SPATA31C2: variants seen among roughly 807,000 people sequenced by gnomAD.
SPATA31C2 encodes SPATA31 subfamily C member 2.
A neutral mutation model predicts 11.4 loss-of-function variants in SPATA31C2; 5 were observed. The ratio of observed to expected loss-of-function variants is 0.44; its 90% CI spans 0.23 to 0.92. The LOEUF is 0.92. Ranked by LOEUF, SPATA31C2 falls within the 40% of genes least tolerant of loss-of-function variation. The pLI is 0.24. For synonymous variants in SPATA31C2, 515 were observed against 538.7 expected (o/e 0.96, Z 0.61); for missense variants, 1,353 against 1,368.6 (o/e 0.99, Z 0.18).
At chr9:88,133,080 A>AGGCTGAG in intron 2 of SPATA31C2, 54 bp from the exon 3 acceptor site, 1 of 1,227,232 alleles carries the variant, frequency 8.1e-7, no homozygotes, top group Non-Finnish European at 1.1e-6. Flanking sequence ...ATCTCACAGG[A>AGGCTGAG]GGCTGAGTGT....
In SPATA31C2 at chr9:88,129,839, G is replaced by A. The variant is rs747748912; in HGVS notation, c.3198C>T (p.Asn1066=). The change falls in exon 4 of 4, where the codon AAC becomes AAT. Residue 1066 remains asparagine (N), a synonymous_variant. Transcript: ENST00000324915. ...CATGGCGCGCATGGCAAAGTGACAT[G>A]TTCTCCTCCAGTATCTGTCCAACTG... ...MTAVGQILEE[N]MSLCHARHAS... is the part of the protein sequence containing the mutation. The A allele has an allele frequency of 4.4e-6, 7 of 1,604,804 alleles. No individual in the cohort carries two copies. Among genetic ancestry groups the A allele is most frequent in the Non-Finnish European group, 6.0e-6 (7 of 1,174,016 alleles).
intron 1 of SPATA31C2, among the ~76,000 whole-genome samples, chr9:88,135,302 A>T (rs1247309000): frequency 1.8e-5 from 2 of 111,424 alleles, no homozygotes; most frequent in Admixed American, 1.8e-4. Flanking sequence ...AGCCTTTGAA[A>T]ATCTGTAGTT....
chr9:88,134,508 G>A (rs1388816022), intron 1 of SPATA31C2, among the ~76,000 whole-genome samples: 9 of 149,600 alleles, frequency 6.0e-5, no homozygotes, highest in Non-Finnish European at 1.2e-4. Context: ...GGTCCTGGCC[G>A]CTGAGCCCAC....
At position 88,130,681 on chromosome 9, in the gene SPATA31C2, T is replaced by A; in HGVS notation, c.2356A>T (p.Ser786Cys). ...GCCCTTGAAGATTGGGCTCCTAAGCTCCTGCTCTGCTGGGTGCTGCCTGTG... is the reference window on the plus strand; with the variant it reads ...GCCCTTGAAGATTGGGCTCCTAAGCACCTGCTCTGCTGGGTGCTGCCTGTG... ...SLTGSTQQSRSLGAQSSRAGE... is the reference protein window; with the variant it reads ...SLTGSTQQSRCLGAQSSRAGE... Residue 786 changes from serine to cysteine, a missense_variant, in exon 4 of 4, where the codon AGC becomes TGC. By Grantham distance (112) the Ser-to-Cys change is moderately radical. Around this residue, in one of 6 missense-constraint regions of SPATA31C2, gnomAD observed 1,075 missense variants for 992.8 expected, o/e 1.08. Transcript: ENST00000324915. The A allele has an allele frequency of 6.2e-7, 1 of 1,613,844 alleles. No individual in the cohort carries two copies. Among genetic ancestry groups the A allele is most frequent in the Non-Finnish European group, 8.5e-7 (1 of 1,179,844 alleles).
At position 88,132,330 on chromosome 9, in the gene SPATA31C2, C is replaced by T. The variant is rs538555577; in HGVS notation, c.707G>A (p.Arg236Gln). ...AGATGGTGTTAACAGAGTGGAGTCC[C>T]GCAGGGGAGGAGGAGTGAAGCCTTT... ...PPKGFTPPPL[R>Q]DSTLLTPSHC... Residue 236 changes from arginine (R) to glutamine (Q), a missense_variant, in exon 4 of 4, where the codon CGG becomes CAG. Arg to Gln is a conservative substitution (Grantham distance 43). Coordinates refer to ENST00000324915, the MANE Select transcript of SPATA31C2 (RefSeq NM_001350978.3). 1,288 of 1,610,864 alleles carry T rather than the reference C, an allele frequency of 8.0e-4. 16 individuals are homozygous for T. The South Asian group carries it at 0.012, about 15-fold the overall frequency.
Position 88,130,243 on chromosome 9 carries a change from T to A in SPATA31C2, c.2794A>T (p.Lys932Ter). 1.2e-6 allele frequency: 2 copies of A among 1,609,344 alleles called. No homozygotes were observed. Among genetic ancestry groups the A allele is most frequent in the South Asian group, 2.2e-5 (2 of 90,918 alleles). The change falls in exon 4 of 4, where the codon AAG becomes TAG. Residue 932 changes from lysine (K) to a stop codon, truncating the protein, a stop_gained. Coordinates refer to ENST00000324915, the MANE Select transcript of SPATA31C2 (RefSeq NM_001350978.3). LOFTEE classifies it low-confidence loss of function (END_TRUNC). ...MSARRSNMGH[K>*]EPRNPNCQGS... ...TGACAGTTTGGGTTCCTGGGCTCCT[T>A]GTGCCCCATGTTACTCCTTCTGGCT...
Position 88,130,870 on chromosome 9 carries a change from G to C in SPATA31C2, c.2167C>G (p.Pro723Ala), listed in dbSNP as rs1587687396. The C allele has an allele frequency of 6.2e-7, 1 of 1,613,768 alleles. No homozygotes were observed. The highest frequency in any genetic ancestry group is 2.2e-5 in the East Asian group (1 of 44,886). ...AGCCTCTCTGGCATGTGAACAGATG[G>C]TTTGGTCAGCACCTGCTTTCTCAGA... ...ASLRKQVLTK[P>A]SVHMPERLQA... The change falls in exon 4 of 4, where the codon CCA (proline) becomes GCA (alanine). Residue 723 changes from proline (P) to alanine (A), a missense_variant. Pro to Ala is a conservative substitution (Grantham distance 27). Coordinates refer to ENST00000324915, the MANE Select transcript of SPATA31C2 (RefSeq NM_001350978.3).
intron 1 of SPATA31C2, among the ~76,000 whole-genome samples, chr9:88,134,341 C>T (rs1211158452): frequency 2.9e-5 from 4 of 137,210 alleles, no homozygotes; most frequent in Non-Finnish European, 3.2e-5. Context: ...GGGAGGCCCT[C>T]GGGGGCCCAG....
rs373019664 is a variant in SPATA31C2 at position 88,132,653 on chromosome 9, C to T, written c.384G>A (p.Pro128=). The T allele has an allele frequency of 1.2e-5, 19 of 1,608,568 alleles. No homozygotes were observed. Among genetic ancestry groups the T allele is most frequent in the Admixed American group, 6.7e-5 (4 of 59,596 alleles). ...GTGTTCTTTTGCCCACCTCACCTGG[C>T]GGGTCTGGACCAGAGAGCTGACCAA... ...GDFGQLSGPD[P]PGEVGKRTPD... Residue 128 remains proline (P), a synonymous_variant, in exon 4 of 4, where the codon CCG becomes CCA. Coordinates refer to ENST00000324915, the MANE Select transcript of SPATA31C2 (RefSeq NM_001350978.3).
In SPATA31C2 at chr9:88,131,187, C is replaced by T. The variant is rs1405963794; in HGVS notation, c.1850G>A (p.Ser617Asn). ...FPVSNTHVKT[S>N]NLAAPKSRKA... The stretch of plus-strand genomic sequence containing the variant: ...CCTGCTTTTCGGGGCTGCTAGATTG[C>T]TGGTTTTCACGTGGGTGTTGGAGAC... Residue 617 changes from serine to asparagine, a missense_variant, in exon 4 of 4, where the codon AGC (serine) becomes AAC (asparagine). Around this residue, in one of 6 missense-constraint regions of SPATA31C2, gnomAD observed 1,075 missense variants for 992.8 expected, o/e 1.08. Transcript: ENST00000324915. The T allele has an allele frequency of 6.2e-7, 1 of 1,611,652 alleles. No homozygotes were observed. The highest frequency in any genetic ancestry group is 1.3e-5 in the African/African-American group (1 of 74,856).
intron 1 of SPATA31C2, 131 bp from the exon 2 acceptor site, chr9:88,133,800 C>T (rs892940520): frequency 2.0e-5 from 26 of 1,331,712 alleles, no homozygotes; most frequent in East Asian, 7.8e-5. Context: ...GTGCTTCCTC[C>T]CCTCCCACTC....
In SPATA31C2 at chr9:88,131,324, A is replaced by G. The variant is rs1471757779; in HGVS notation, c.1713T>C (p.His571=). ...SDLLRRTERN[H]IENILKAHMS... ...TGTGGGCTTTCAGGATGTTTTCTAT[A>G]TGATTCCTCTCTGTGCGTCTTAATA... Residue 571 remains histidine (H), a synonymous_variant, in exon 4 of 4, where the codon CAT becomes CAC. Coordinates refer to ENST00000324915, the MANE Select transcript of SPATA31C2 (RefSeq NM_001350978.3). The G allele has an allele frequency of 3.1e-6, 5 of 1,611,868 alleles. No individual in the cohort carries two copies. Among genetic ancestry groups the G allele is most frequent in the East Asian group, 4.5e-5 (2 of 44,804 alleles).
chr9:88,133,472 G>T (rs1202664532), intron 2 of SPATA31C2, 122 bp downstream of exon 2: 27 of 1,348,520 alleles, frequency 2.0e-5, no homozygotes, highest in Non-Finnish European at 2.7e-5. Flanking sequence ...GAAGGACCCA[G>T]GGTTCTGATT....
chr9:88,137,630 C>T (rs55994199), intron 1 of SPATA31C2, among the ~76,000 whole-genome samples: 14,319 of 121,132 alleles, frequency 0.12, 1,149 homozygotes, highest in Non-Finnish European at 0.14. Context: ...AAATAACACA[C>T]AAACACACAC....
chr9:88,138,418 AATTTT>A lies in SPATA31C2; in HGVS notation c.24_28del (p.Lys9ThrfsTer2), dbSNP rs1333773899. The A allele has an allele frequency of 4.0e-6, 2 of 495,334 alleles. No homozygotes were observed. Among genetic ancestry groups the A allele is most frequent in the African/African-American group, 5.7e-5 (2 of 34,864 alleles). 30.7% of individuals were successfully genotyped at this position (495,334 alleles called of 1,614,324 possible). ...GGTGTTTAGTGATGAGGCACTAAGT[AATTTT>A]AGAGGAAAGGGAAGATTCTCCATGT... On this transcript the variant is annotated frameshift_variant, in exon 1 of 4. Coordinates refer to ENST00000324915, the MANE Select transcript of SPATA31C2 (RefSeq NM_001350978.3). LOFTEE classifies it high-confidence loss of function.
At position 88,130,921 on chromosome 9, in the gene SPATA31C2, A is replaced by G. The variant is rs511280; in HGVS notation, c.2116T>C (p.Phe706Leu). The G allele has an allele frequency of 3.2e-4, 520 of 1,613,348 alleles. No individual in the cohort carries two copies. Among genetic ancestry groups the G allele is most frequent in the Non-Finnish European group, 3.8e-4 (446 of 1,179,672 alleles). ...GAGSKVEVAT[F>L]LGEPPMASLR... ...CTTGCCATTGGTGGCTCTCCAAGGAACGTGGCCACCTCAACTTTTGAGCCA... is the reference window on the plus strand; with the variant it reads ...CTTGCCATTGGTGGCTCTCCAAGGAGCGTGGCCACCTCAACTTTTGAGCCA... The change falls in exon 4 of 4, where the codon TTC (phenylalanine) becomes CTC (leucine). Residue 706 changes from phenylalanine (F) to leucine (L), a missense_variant. By Grantham distance (22) the Phe-to-Leu change is conservative. Coordinates refer to ENST00000324915, the MANE Select transcript of SPATA31C2 (RefSeq NM_001350978.3).
At chr9:88,133,797 C>G (rs1162737356) in intron 1 of SPATA31C2, 128 bp from the exon 2 acceptor site, 1 of 1,350,462 alleles carries the variant, frequency 7.4e-7, no homozygotes, top group Non-Finnish European at 1.0e-6. Context: ...TGTGTGCTTC[C>G]TCCCCTCCCA....
At position 88,131,235 on chromosome 9, in the gene SPATA31C2, A is replaced by G; in HGVS notation, c.1802T>C (p.Leu601Pro). Residue 601 changes from leucine (L) to proline (P), a missense_variant, in exon 4 of 4, where the codon CTT becomes CCT. Physicochemically the swap from Leu to Pro is moderately conservative, Grantham distance 98 (BLOSUM62 -3). This residue lies in a region of SPATA31C2 where 1,075 missense variants were observed against 992.8 expected (regional missense o/e 1.08). Transcript: ENST00000324915. ...GACGGGAAAAGCCTGGTTGACAGCAAGCCAGGATCGACGCACACTCACGGG... is the reference window on the plus strand; with the variant it reads ...GACGGGAAAAGCCTGGTTGACAGCAGGCCAGGATCGACGCACACTCACGGG... ...LIPVSVRRSWLAVNQAFPVSN... is the reference protein window; with the variant it reads ...LIPVSVRRSWPAVNQAFPVSN... 1 of 1,611,902 alleles carries G rather than the reference A, an allele frequency of 6.2e-7. No individual in the cohort carries two copies. The highest frequency in any genetic ancestry group is 8.5e-7 in the Non-Finnish European group (1 of 1,179,864).
rs753046366 is a variant in SPATA31C2 at position 88,131,692 on chromosome 9, G to A, written c.1345C>T (p.Leu449Phe). The A allele has an allele frequency of 3.7e-6, 6 of 1,611,882 alleles. No homozygotes were observed. The highest frequency in any genetic ancestry group is 1.7e-5 in the Admixed American group (1 of 59,996). The change falls in exon 4 of 4, where the codon CTC becomes TTC. Residue 449 changes from leucine to phenylalanine, a missense_variant. By Grantham distance (22) the Leu-to-Phe change is conservative (BLOSUM62 0). Around this residue, in one of 6 missense-constraint regions of SPATA31C2, gnomAD observed 1,075 missense variants for 992.8 expected, o/e 1.08. Coordinates refer to ENST00000324915, the MANE Select transcript of SPATA31C2 (RefSeq NM_001350978.3). ...LPENFPVSPE[L>F]WRQLEQHMGQ... ...ATGTGTTGCTCCAGTTGTCTCCAGA[G>A]TTCAGGACTGACTGGAAAGTTCTCA...
Sources: gnomAD v4.1 joint callset for allele counts (sites outside exome capture counted in the v4.1 genomes callset) on GRCh38, gnomAD v4.1.1 for gene constraint, gnomAD v4.1.1 regional missense constraint, MANE v1.5 for transcripts, NCBI Gene and HGNC (gene_info 2026-07-23, HGNC 2026-07-21) for gene names.